Variants in MAGI3 observed in about 807,000 individuals in gnomAD.
MAGI3 encodes the protein membrane associated guanylate kinase, WW and PDZ domain containing 3.
Under a neutral mutation model 121.8 loss-of-function variants are expected in MAGI3, and 43 were observed. That is an observed-to-expected ratio of 0.35 (90% CI 0.28 to 0.46). The LOEUF is 0.46. MAGI3 is among the 20% of genes least tolerant of loss of function. The probability of loss-of-function intolerance (pLI) is 1.00; values close to 1 mark genes in which losing one functional copy is unlikely to be tolerated. For synonymous variants in MAGI3, 553 were observed against 639.3 expected, an observed-to-expected ratio of 0.86 and a Z score of 2.04; for missense variants, 1,547 against 1,797.3, an observed-to-expected ratio of 0.86 and a Z score of 2.52.
chr1:113,519,686 A>T (rs914339380), intron 1 of MAGI3, among the ~76,000 whole-genome samples: 3 of 152,196 alleles, frequency 2.0e-5, no homozygotes, highest in Non-Finnish European at 2.9e-5. Context: ...CTCCTCCAGT[A>T]TTGAGTTGTG....
rs532233443 is a variant in MAGI3, at chr1:113,486,971, A to G, written c.317-62544A>G. Among the ~76,000 whole-genome samples the G allele has an allele frequency of 2.1e-3, 317 of 152,274 alleles. 1 individual carries two copies. Among genetic ancestry groups the G allele is most frequent in the Middle Eastern group, 6.8e-3 (2 of 294 alleles). Reference sequence around the variant, plus strand: ...AGCAATACTCCTGCCTTGACTTTCCAAAGTGCTAGGATTACAGGCATCAGC... The same window carrying G: ...AGCAATACTCCTGCCTTGACTTTCCGAAGTGCTAGGATTACAGGCATCAGC... On this transcript the variant is annotated intron_variant, in intron 1 of 20. Coordinates refer to ENST00000307546, the MANE Select transcript of MAGI3 (RefSeq NM_001142782.2).
At chr1:113,466,236 A>T (rs1655278144) in intron 1 of MAGI3, among the ~76,000 whole-genome samples, 1 of 152,092 alleles carries the variant, frequency 6.6e-6, no homozygotes, top group South Asian at 2.1e-4. Context: ...TGCTTATTTA[A>T]TCTGTTGAAA....
intron 3 of MAGI3, 101 bp downstream of exon 3, chr1:113,580,762 CT>C (rs1557834488): frequency 4.3e-6 from 5 of 1,164,480 alleles, no homozygotes; most frequent in Non-Finnish European, 5.7e-6. Flanking sequence ...TTTTGAAAAA[CT>C]TTTTTTCCTC....
At chr1:113,624,789 C>A (rs1180970706) in intron 9 of MAGI3, among the ~76,000 whole-genome samples, 1 of 152,166 alleles carries the variant, frequency 6.6e-6, no homozygotes, top group African/African-American at 2.4e-5. Flanking sequence ...TTTGCCCAGA[C>A]CAATGTCCTG....
At chr1:113,636,974 A>G (rs1652072305) in intron 9 of MAGI3, among the ~76,000 whole-genome samples, 1 of 152,110 alleles carries the variant, frequency 6.6e-6, no homozygotes, top group South Asian at 2.1e-4. Flanking sequence ...TCCCTTTACC[A>G]TTATGTAATG....
intron 1 of MAGI3, among the ~76,000 whole-genome samples, chr1:113,413,309 T>C (rs10776767): frequency 0.95 from 143,827 of 151,694 alleles, 68,219 homozygotes; most frequent in East Asian, 0.99. Flanking sequence ...AGTCAGGTAG[T>C]GTGATGCCTC....
chr1:113,603,368 C>G (rs1649525793), intron 6 of MAGI3, among the ~76,000 whole-genome samples: 1 of 151,712 alleles, frequency 6.6e-6, no homozygotes, highest in Non-Finnish European at 1.5e-5. Context: ...ACAACAACAA[C>G]AACAACAACA....
rs1557757106 is a variant in MAGI3 at position 113,437,864 on chromosome 1, C to CTTCTTCT, written c.316+46516_316+46517insTCTTCTT. 4.5e-4 allele frequency among the ~76,000 whole-genome samples: 25 copies of CTTCTTCT among 55,996 alleles called. 2 individuals are homozygous for CTTCTTCT. The highest frequency in any genetic ancestry group is 7.0e-4 in the East Asian group (1 of 1,424). 36.7% of individuals were successfully genotyped at this position (55,996 alleles called of 152,430 possible). ...CTTCTTCTTCTTCTTCTTCTTCTTC[C>CTTCTTCT]TCTTCTTCTTCTTCTCCTTCTCCTT... On this transcript the variant is annotated intron_variant, in intron 1 of 20. Transcript: ENST00000307546.
At chr1:113,591,787 A>T (rs1168872721) in intron 5 of MAGI3, among the ~76,000 whole-genome samples, 1 of 152,226 alleles carries the variant, frequency 6.6e-6, no homozygotes, top group African/African-American at 2.4e-5. Context: ...AATAAGGTGT[A>T]GAGTCATTAG....
intron 1 of MAGI3, among the ~76,000 whole-genome samples, chr1:113,464,466 C>A (rs112920796): frequency 6.6e-6 from 1 of 151,972 alleles, no homozygotes; most frequent in African/African-American, 2.4e-5. Context: ...CATGAGAGTG[C>A]GGATATATCT....
intron 1 of MAGI3, among the ~76,000 whole-genome samples, chr1:113,430,759 G>C (rs1653262135): frequency 6.6e-6 from 1 of 152,044 alleles, no homozygotes; most frequent in African/African-American, 2.4e-5. Context: ...CTAAATTCTT[G>C]TTCTAAAGGA....
intron 2 of MAGI3, among the ~76,000 whole-genome samples, chr1:113,556,983 GA>G (rs1346179769): frequency 3.0e-4 from 46 of 152,316 alleles, no homozygotes. Flanking sequence ...TAGGTGAGCT[GA>G]AAAATCCTCT....
chr1:113,656,197 A>G (rs1406750855), intron 15 of MAGI3, among the ~76,000 whole-genome samples: 1 of 152,148 alleles, frequency 6.6e-6, no homozygotes, highest in Non-Finnish European at 1.5e-5. Context: ...CTAGTTAATA[A>G]TCTCATAAAA....
chr1:113,562,079 A>G (rs1206147590), intron 2 of MAGI3, among the ~76,000 whole-genome samples: 1 of 152,252 alleles, frequency 6.6e-6, no homozygotes, highest in Admixed American at 6.5e-5. Context: ...TGACCTCTTC[A>G]AGGAGAACTA....
chr1:113,602,237 A>T (rs181285682), intron 6 of MAGI3, among the ~76,000 whole-genome samples: 24 of 152,072 alleles, frequency 1.6e-4, no homozygotes, highest in Non-Finnish European at 3.1e-4. Flanking sequence ...ATAAAATTAT[A>T]AAAAAAACTC....
intron 1 of MAGI3, among the ~76,000 whole-genome samples, chr1:113,487,573 A>G (rs1265604714): frequency 2.0e-5 from 3 of 152,166 alleles, no homozygotes; most frequent in Non-Finnish European, 4.4e-5. Flanking sequence ...GCATAATTCA[A>G]TTAGATTAAC....
chr1:113,585,509 G>A lies in MAGI3; in HGVS notation c.676G>A (p.Val226Ile). ...ATCTCAAAGAAAACGAACGACATCT[G>A]TCAGCAAGATGGAAAGAATGGATAG... The part of the protein sequence containing the change: ...AESQRKRTTS[V>I]SKMERMDSSL... Residue 226 changes from valine to isoleucine, a missense_variant, in exon 4 of 21, where the codon GTC becomes ATC. By Grantham distance (29) the Val-to-Ile change is conservative (BLOSUM62 3). Coordinates refer to ENST00000307546, the MANE Select transcript of MAGI3 (RefSeq NM_001142782.2). The A allele has an allele frequency of 6.2e-7, 1 of 1,614,110 alleles. No homozygotes were observed. The highest frequency in any genetic ancestry group is 8.5e-7 in the Non-Finnish European group (1 of 1,180,004).
chr1:113,468,503 C>T (rs1376702262), intron 1 of MAGI3, among the ~76,000 whole-genome samples: 2 of 152,016 alleles, frequency 1.3e-5, no homozygotes, highest in Non-Finnish European at 2.9e-5. Context: ...TGTAAGTAGC[C>T]ACACGTGATG....
At chr1:113,594,912 T>C (rs1648905871) in intron 6 of MAGI3, among the ~76,000 whole-genome samples, 1 of 152,184 alleles carries the variant, frequency 6.6e-6, no homozygotes, top group African/African-American at 2.4e-5. Flanking sequence ...TATCATGTCT[T>C]ATGAAGTTTT....
Sources: gnomAD v4.1 joint callset for allele counts (sites outside exome capture counted in the v4.1 genomes callset) on GRCh38, gnomAD v4.1.1 for gene constraint, MANE v1.5 for transcripts, NCBI Gene and HGNC (gene_info 2026-07-23, HGNC 2026-07-21) for gene names.